Variants in RNF135 observed in about 807,000 individuals in gnomAD.
RNF135 encodes the protein ring finger protein 135.
In RNF135, 46 loss-of-function variants were observed where a neutral mutation model predicts 41.9. That is an observed-to-expected ratio of 1.10 (90% CI 0.87 to 1.40). RNF135 has a LOEUF of 1.40. Ranked by LOEUF, RNF135 falls within the 40% of genes most tolerant of loss-of-function variation. The probability of loss-of-function intolerance (pLI) is 0.00; values close to 1 mark genes in which losing one functional copy is unlikely to be tolerated. For synonymous variants in RNF135, 238 were observed against 223.8 expected (o/e 1.06, Z -0.57); for missense variants, 539 against 549.8 (o/e 0.98, Z 0.20).
At position 30,983,320 on chromosome 17, in the gene RNF135, CATATATATATATATAT is replaced by C. The variant is rs1189144519; in HGVS notation, c.373-1278_373-1263del. Reference sequence around the variant, plus strand: ...TGGTAATTCTAATTACATATATGTACATATATATATATATATATATATATATATATATATTTTTTTT... The same window carrying C: ...TGGTAATTCTAATTACATATATGTACATATATATATATATATATTTTTTTT... On this transcript the variant is annotated intron_variant, in intron 1 of 4. Coordinates refer to ENST00000328381, the MANE Select transcript of RNF135 (RefSeq NM_032322.4). 4.2e-3 allele frequency among the ~76,000 whole-genome samples: 157 copies of C among 37,060 alleles called. 1 individual carries two copies. Among genetic ancestry groups the C allele is most frequent in the South Asian group, 7.6e-3 (6 of 790 alleles). The allele number at this position is 37,060 out of a possible 152,430, so 24.3% of individuals were successfully genotyped here.
chr17:30,981,397 G>T (rs534670806), intron 1 of RNF135, among the ~76,000 whole-genome samples: 2 of 151,900 alleles, frequency 1.3e-5, no homozygotes, highest in Non-Finnish European at 2.9e-5. Flanking sequence ...ACTCTTAACC[G>T]ATTTTTAATT....
chr17:30,975,740 C>G (rs947306841), intron 1 of RNF135: 26 of 1,319,920 alleles, frequency 2.0e-5, no homozygotes, highest in Non-Finnish European at 2.7e-5. Flanking sequence ...CCTGATTGGC[C>G]TGGTGTACAT....
rs7224127 is a variant in RNF135, at chr17:30,974,590, A to G, written c.372+3145A>G. 3.4e-3 allele frequency among the ~76,000 whole-genome samples: 494 copies of G among 144,122 alleles called. 2 individuals carry two copies. The highest frequency in any genetic ancestry group is 0.012 in the African/African-American group (462 of 39,806). 94.5% of individuals were successfully genotyped at this position (144,122 alleles called of 152,430 possible). ...ATTTGGGTCTATAATTCCTTCAGTG[A>G]TTTTTTTTTTTGTAGTTTTAAGTGT... On this transcript the variant is annotated intron_variant, in intron 1 of 4. Transcript: ENST00000328381.
chr17:30,968,254 C>G (rs1384308538), upstream of RNF135, among the ~76,000 whole-genome samples: 1 of 149,996 alleles, frequency 6.7e-6, no homozygotes, highest in African/African-American at 2.5e-5. Context: ...TGCCACTCCA[C>G]TCCACTCCAG....
Position 30,984,866 on chromosome 17 carries a change from T to G in RNF135, c.516+106T>G. The G allele has an allele frequency of 6.5e-6, 8 of 1,236,966 alleles. No individual in the cohort carries two copies. In the South Asian group the frequency reaches 8.4e-5, roughly 13 times the overall value. 76.6% of individuals were successfully genotyped at this position (1,236,966 alleles called of 1,614,324 possible). On this transcript the variant is annotated intron_variant, in intron 2 of 4. Coordinates refer to ENST00000328381, the MANE Select transcript of RNF135 (RefSeq NM_032322.4). The stretch of plus-strand genomic sequence containing the variant: ...TTGAACCTGAAGGATACAATAAGTC[T>G]CAATCTTTTATTGTTCTCTTTACTA...
rs1567745916 is a variant in RNF135, at chr17:30,988,039, A to G, written c.612A>G (p.Leu204=). The G allele has an allele frequency of 1.2e-6, 2 of 1,614,126 alleles. No individual in the cohort carries two copies. The highest frequency in any genetic ancestry group is 1.7e-6 in the Non-Finnish European group (2 of 1,179,982). ...AAATCAGAGATATTCTCCATGACCT[A>G]GAAGAAATTCAGGAAAAATTACAAG... ...AGKIRDILHD[L]EEIQEKLQES... Residue 204 remains leucine (L), a synonymous_variant, in exon 3 of 5, where the codon CTA becomes CTG. Transcript: ENST00000328381.
At chr17:30,991,418 CTT>C (rs1028884578) in intron 3 of RNF135, among the ~76,000 whole-genome samples, 18 of 139,122 alleles carry the variant, frequency 1.3e-4, no homozygotes, top group Admixed American at 2.2e-4. Flanking sequence ...CTTTCTCTTT[CTT>C]TTTTTTTTTT....
At chr17:30,982,493 T>C (rs534884479) in intron 1 of RNF135, among the ~76,000 whole-genome samples, 1 of 152,310 alleles carries the variant, frequency 6.6e-6, no homozygotes, top group Admixed American at 6.5e-5. Context: ...ACATGGGATA[T>C]GGGTTGCATT....
intron 1 of RNF135, chr17:30,979,245 C>T (rs1193408239): frequency 1.4e-5 from 2 of 145,968 alleles, no homozygotes; most frequent in Admixed American, 1.3e-4. Context: ...GGCTGACCCC[C>T]CCCCCCACCC....
chr17:30,980,527 G>A lies in RNF135; in HGVS notation c.373-4090G>A, dbSNP rs1344795093. 2.2e-5 allele frequency among the ~76,000 whole-genome samples: 3 copies of A among 139,434 alleles called. No individual in the cohort carries two copies. In the South Asian group the frequency reaches 7.2e-4, roughly 34 times the overall value. The allele number at this position is 139,434 out of a possible 152,430, so 91.5% of individuals were successfully genotyped here. The stretch of plus-strand genomic sequence containing the variant: ...GACCCCCCCCACCTCCCTCCCGGAC[G>A]GGGTGGCTGCCGGGCGGAGACGCTC... On this transcript the variant is annotated intron_variant, in intron 1 of 4. Transcript: ENST00000328381.
intron 1 of RNF135, among the ~76,000 whole-genome samples, chr17:30,982,659 A>G (rs1412207124): frequency 1.3e-5 from 2 of 152,084 alleles, no homozygotes; most frequent in Admixed American, 6.6e-5. Flanking sequence ...GGGATGATCA[A>G]TGGAGCCTTC....
intron 3 of RNF135, among the ~76,000 whole-genome samples, chr17:30,992,624 C>T (rs1908063554): frequency 6.6e-6 from 1 of 151,826 alleles, no homozygotes; most frequent in Non-Finnish European, 1.5e-5. Flanking sequence ...TGTCACCGCA[C>T]CTGGCTAATT....
chr17:30,975,388 GC>G, intron 1 of RNF135: 1 of 760,518 alleles, frequency 1.3e-6, no homozygotes, highest in Non-Finnish European at 2.4e-6. Flanking sequence ...ATTAGAAGAT[GC>G]CAGGCTCAGA....
At chr17:30,988,483 A>G (rs1907756229) in intron 3 of RNF135, among the ~76,000 whole-genome samples, 3 of 121,100 alleles carry the variant, frequency 2.5e-5, no homozygotes, top group African/African-American at 9.9e-5. Context: ...GCTGGAGTGC[A>G]GTGGCACCAT....
At chr17:30,978,589 CT>C (rs547282080) in intron 1 of RNF135, 40 of 151,262 alleles carry the variant, frequency 2.6e-4, no homozygotes, top group Non-Finnish European at 4.6e-4. Flanking sequence ...TTAATTATTT[CT>C]TTTTTTTATT....
intron 1 of RNF135, among the ~76,000 whole-genome samples, chr17:30,975,228 T>C (rs1598078886): frequency 6.6e-6 from 1 of 151,064 alleles, no homozygotes; most frequent in East Asian, 1.9e-4. Context: ...GAGACTGAGG[T>C]ACGAAGAACA....
At chr17:30,969,148 C>T (rs901391701), upstream of RNF135, 1 of 152,214 alleles carries the variant, frequency 6.6e-6, no homozygotes, top group African/African-American at 2.4e-5. Flanking sequence ...GGCAATCCAC[C>T]TGCCTCAGCC....
In RNF135 at chr17:30,984,614, A is replaced by G; in HGVS notation, c.373-3A>G. On this transcript the variant is annotated splice_region_variant and splice_polypyrimidine_tract_variant and intron_variant, in intron 1 of 4. Transcript: ENST00000328381. ...CCAGGACCTGAACTTTGCTATTTTGAAGGTGGCAGTAGAGAAGAGCATCAC... is the reference window on the plus strand; with the variant it reads ...CCAGGACCTGAACTTTGCTATTTTGGAGGTGGCAGTAGAGAAGAGCATCAC... 1 of 1,614,060 alleles carries G rather than the reference A, an allele frequency of 6.2e-7. No homozygotes were observed. The highest frequency in any genetic ancestry group is 2.2e-5 in the East Asian group (1 of 44,880).
At chr17:30,969,447 G>A (rs1358089942), upstream of RNF135, 1 of 152,178 alleles carries the variant, frequency 6.6e-6, no homozygotes, top group African/African-American at 2.4e-5. Flanking sequence ...CGTATCCTAG[G>A]GTGCGTTGGC....
Sources: gnomAD v4.1 joint callset for allele counts (sites outside exome capture counted in the v4.1 genomes callset) on GRCh38, gnomAD v4.1.1 for gene constraint, MANE v1.5 for transcripts, NCBI Gene and HGNC (gene_info 2026-07-23, HGNC 2026-07-21) for gene names.